SUN1: variants seen among roughly 807,000 people sequenced by gnomAD.
SUN1 encodes SUN domain-containing protein 1.
In SUN1, 61 loss-of-function variants were observed where a neutral mutation model predicts 103.2. The observed-to-expected ratio is 0.59, with a 90% confidence interval of 0.48 to 0.73. The LOEUF (loss-of-function observed/expected upper bound fraction) is 0.73. Among genes scored for constraint, SUN1 ranks in the 30% least tolerant of loss-of-function variants. The pLI is 0.00. For synonymous variants in SUN1, 490 were observed against 425.7 expected (o/e 1.15, Z -1.86); for missense variants, 1,052 against 1,034.6 (o/e 1.02, Z -0.23).
At chr7:868,211 C>G (rs548109453) in intron 16 of SUN1, among the ~76,000 whole-genome samples, 4 of 152,382 alleles carry the variant, frequency 2.6e-5, no homozygotes, top group South Asian at 2.1e-4. Flanking sequence ...GTCTCCTCCT[C>G]CGTTGCGCAC....
intron 16 of SUN1, 41 bp downstream of exon 16, chr7:866,108 T>G (rs1261114085): frequency 1.3e-6 from 2 of 1,563,100 alleles, no homozygotes; most frequent in African/African-American, 1.4e-5. Flanking sequence ...CTCTTCAGCA[T>G]GGACTCGGTT....
At chr7:839,066 G>A in intron 2 of SUN1, 80 bp downstream of exon 2, 2 of 1,376,590 alleles carry the variant, frequency 1.5e-6, no homozygotes, top group South Asian at 1.5e-5. Flanking sequence ...GGTCTGTAAA[G>A]CCGCACCCTG....
chr7:816,230 C>CGCGATGCAGA, upstream of SUN1: 1 of 233,386 alleles, frequency 4.3e-6, no homozygotes, highest in Non-Finnish European at 8.1e-6. Context: ...CAGACCCCTC[C>CGCGATGCAGA]CCCAGGTGCA....
upstream of SUN1, chr7:832,444 A>G: frequency 7.0e-7 from 1 of 1,421,106 alleles, no homozygotes; most frequent in Non-Finnish European, 9.7e-7. Flanking sequence ...TGACTGAGAC[A>G]GGAATGCGCT....
chr7:827,990 C>T (rs1290212295), upstream of SUN1, among the ~76,000 whole-genome samples: 5 of 151,546 alleles, frequency 3.3e-5, no homozygotes, highest in African/African-American at 4.9e-5. Context: ...CCGCAACCTG[C>T]GCCTCCTGGT....
Position 825,848 on chromosome 7 carries a change from C to A in SUN1, c.-74+9175C>A, listed in dbSNP as rs1009887963. ...TATTAGTCTCTACATTATTTACTTT[C>A]AATAATATGAAGATCTAAGGACGAT... On this transcript the variant is annotated intron_variant, in intron 1 of 17. Transcript: ENST00000389574. Among the ~76,000 whole-genome samples the A allele has an allele frequency of 2.7e-5, 4 of 149,640 alleles. No individual in the cohort carries two copies. The South Asian group carries it at 8.4e-4, about 31-fold the overall frequency.
chr7:873,686 C>G lies in SUN1; in HGVS notation c.*355C>G, dbSNP rs1843085911. 1 of 190,072 alleles carries G rather than the reference C, an allele frequency of 5.3e-6. No individual in the cohort carries two copies. Among genetic ancestry groups the G allele is most frequent in the Non-Finnish European group, 1.1e-5 (1 of 92,390 alleles). 11.8% of individuals were successfully genotyped at this position (190,072 alleles called of 1,614,324 possible). On this transcript the variant is annotated 3_prime_UTR_variant, in exon 19 of 19. Transcript: ENST00000401592. ...TGTTCTTGACGCTTTGGTCTTCAGC[C>G]TTGCACTGGCTCTTCTAAAGGACTT... is the stretch of plus-strand genomic sequence containing the variant.
intron 5 of SUN1, 179 bp from the exon 6 acceptor site, chr7:851,205 C>T (rs1454741521): frequency 2.0e-6 from 1 of 505,488 alleles, no homozygotes; most frequent in Non-Finnish European, 3.6e-6. Context: ...ATGGTCATGT[C>T]AGTGCAATAT....
upstream of SUN1, chr7:831,951 A>C (rs77854426): frequency 2.7e-6 from 2 of 739,828 alleles, no homozygotes; most frequent in Non-Finnish European, 1.7e-6. Flanking sequence ...AACCTAAAAA[A>C]TATCCTGTTT....
chr7:834,129 G>T (rs938622870), intron 1 of SUN1, among the ~76,000 whole-genome samples: 2 of 151,392 alleles, frequency 1.3e-5, no homozygotes, highest in African/African-American at 4.9e-5. Context: ...GATGGTGTAG[G>T]CTGGGCTGGG....
At chr7:853,960 T>C (rs563055349) in intron 10 of SUN1, among the ~76,000 whole-genome samples, 68 of 152,056 alleles carry the variant, frequency 4.5e-4, no homozygotes, top group African/African-American at 1.6e-3. Context: ...GCTCTGTCCC[T>C]GCAGACAGGA....
chr7:818,237 GTC>G lies in SUN1; in HGVS notation c.-74+1570_-74+1571del, dbSNP rs575975554. Among the ~76,000 whole-genome samples the G allele has an allele frequency of 3.9e-5, 6 of 152,312 alleles. No individual in the cohort carries two copies. In the South Asian group the frequency reaches 1.0e-3, roughly 26 times the overall value. On this transcript the variant is annotated intron_variant, in intron 1 of 17. Coordinates refer to the SUN1 transcript ENST00000389574. ...CCCGGCAACGGCTAATCTGCTTTCT[GTC>G]TCTCTGAATTGGGCTGTTCTGGACA...
chr7:869,740 G>T (rs1405189013), intron 17 of SUN1, among the ~76,000 whole-genome samples: 1 of 152,162 alleles, frequency 6.6e-6, no homozygotes, highest in African/African-American at 2.4e-5. Context: ...CACTGACCAA[G>T]GTAGACACGC....
At chr7:843,031 C>A (rs1811688478) in intron 3 of SUN1, 175 bp from the exon 4 acceptor site, 5 of 875,346 alleles carry the variant, frequency 5.7e-6, no homozygotes, top group Non-Finnish European at 9.0e-6. Flanking sequence ...CACCTTCAGT[C>A]AGAAGATGGT....
chr7:827,224 A>G (rs1489483969), intron 1 of SUN1, among the ~76,000 whole-genome samples: 1 of 151,416 alleles, frequency 6.6e-6, no homozygotes, highest in African/African-American at 2.4e-5. Flanking sequence ...GTTTCACCAT[A>G]TTGGCCAGGC....
intron 2 of SUN1, 122 bp downstream of exon 2, chr7:839,108 C>A: frequency 1.0e-6 from 1 of 961,260 alleles, no homozygotes; most frequent in Non-Finnish European, 1.4e-6. Flanking sequence ...TGTGTATGTG[C>A]GTGTACAGAC....
At chr7:849,893 C>T in intron 5 of SUN1, 1 of 1,577,054 alleles carries the variant, frequency 6.3e-7, no homozygotes, top group South Asian at 1.1e-5. Context: ...GTGAATCCGC[C>T]ACACTCACTG....
At chr7:829,828 A>G (rs764946346), upstream of SUN1, among the ~76,000 whole-genome samples, 6 of 152,174 alleles carry the variant, frequency 3.9e-5, no homozygotes, top group Non-Finnish European at 7.4e-5. Context: ...TGCTGGGATT[A>G]TAGGCGTGAG....
chr7:818,200 G>A (rs57069348), intron 1 of SUN1, among the ~76,000 whole-genome samples: 16,989 of 152,106 alleles, frequency 0.11, 1,173 homozygotes, highest in South Asian at 0.23. Flanking sequence ...CCATTCTTCC[G>A]TCTCCCCAGG....
Sources: gnomAD v4.1 joint callset for allele counts (sites outside exome capture counted in the v4.1 genomes callset) on GRCh38, gnomAD v4.1.1 for gene constraint, MANE v1.5 for transcripts, NCBI Gene and HGNC (gene_info 2026-07-23, HGNC 2026-07-21) for gene names.